The following TMTC1 variants were observed in gnomAD, a reference collection of about 807,000 sequenced individuals.
TMTC1 encodes transmembrane O-mannosyltransferase targeting cadherins 1.
TMTC1 carries 73 observed loss-of-function variants against 104.8 expected under a neutral mutation model. That is an observed-to-expected ratio of 0.70 (90% CI 0.58 to 0.85). The LOEUF (loss-of-function observed/expected upper bound fraction) is 0.85. TMTC1 is among the 40% of genes least tolerant of loss of function. The pLI is 0.00. For synonymous variants in TMTC1, 434 were observed against 428.7 expected (o/e 1.01, Z -0.15); for missense variants, 1,035 against 1,096.1 (o/e 0.94, Z 0.79).
intron 5 of TMTC1, among the ~76,000 whole-genome samples, chr12:29,696,749 T>A (rs1185240036): frequency 1.3e-5 from 2 of 152,212 alleles, no homozygotes; most frequent in Non-Finnish European, 2.9e-5. Context: ...GGGTAGGAAA[T>A]AAATAGAAGA....
chr12:29,738,668 C>T (rs1591994499), intron 5 of TMTC1, among the ~76,000 whole-genome samples: 1 of 152,158 alleles, frequency 6.6e-6, no homozygotes, highest in Non-Finnish European at 1.5e-5. Flanking sequence ...TGATTTTAGT[C>T]AGAAACCGGA....
At chr12:29,639,947 G>T (rs569586276) in intron 5 of TMTC1, among the ~76,000 whole-genome samples, 1 of 152,294 alleles carries the variant, frequency 6.6e-6, no homozygotes, top group Non-Finnish European at 1.5e-5. Context: ...AACAAGGCTG[G>T]TACTAGAAAG....
chr12:29,750,771 T>A (rs909160249), intron 5 of TMTC1, among the ~76,000 whole-genome samples: 3 of 152,224 alleles, frequency 2.0e-5, no homozygotes, highest in South Asian at 2.1e-4. Context: ...CATCCCTACA[T>A]CAGCAGAGAA....
intron 7 of TMTC1, among the ~76,000 whole-genome samples, chr12:29,600,786 A>G (rs1946543733): frequency 6.6e-6 from 1 of 152,182 alleles, no homozygotes; most frequent in South Asian, 2.1e-4. Context: ...CTGAGATGGC[A>G]TCTCCGGAGG....
rs74079166 is a variant in TMTC1 at position 29,637,559 on chromosome 12, A to C, written c.939-4223T>G. Among the ~76,000 whole-genome samples the C allele has an allele frequency of 1.9e-3, 283 of 152,312 alleles. 1 individual carries two copies. Among genetic ancestry groups the C allele is most frequent in the African/African-American group, 6.6e-3 (273 of 41,576 alleles). On this transcript the variant is annotated intron_variant, in intron 5 of 17. Transcript: ENST00000539277. Reference sequence around the variant, plus strand: ...AGTAAAGAGGTTTCATGGCCGAAAAACATGAAAGGGAAAGGCAAGCTGGAG... The same window carrying C: ...AGTAAAGAGGTTTCATGGCCGAAAACCATGAAAGGGAAAGGCAAGCTGGAG...
At chr12:29,547,856 T>C (rs1488744758) in intron 10 of TMTC1, among the ~76,000 whole-genome samples, 1 of 152,196 alleles carries the variant, frequency 6.6e-6, no homozygotes, top group Non-Finnish European at 1.5e-5. Flanking sequence ...AGATGTTGGA[T>C]TTGGAAGAGC....
intron 8 of TMTC1, among the ~76,000 whole-genome samples, chr12:29,575,850 A>G (rs1945807603): frequency 6.6e-6 from 1 of 152,194 alleles, no homozygotes; most frequent in Non-Finnish European, 1.5e-5. Flanking sequence ...GGACCAACAT[A>G]CATTCCCACC....
At chr12:29,711,275 G>C (rs1941918416) in intron 5 of TMTC1, among the ~76,000 whole-genome samples, 1 of 151,952 alleles carries the variant, frequency 6.6e-6, no homozygotes, top group East Asian at 1.9e-4. Flanking sequence ...CACTGCACAG[G>C]GCTACAGTTA....
At chr12:29,566,610 A>G (rs539674136) in intron 9 of TMTC1, among the ~76,000 whole-genome samples, 1 of 152,300 alleles carries the variant, frequency 6.6e-6, no homozygotes, top group Admixed American at 6.5e-5. Flanking sequence ...CCACAACACC[A>G]GTTAGGAGCA....
chr12:29,554,618 C>T (rs1306015025), intron 10 of TMTC1, among the ~76,000 whole-genome samples: 1 of 152,132 alleles, frequency 6.6e-6, no homozygotes, highest in Non-Finnish European at 1.5e-5. Context: ...CCTATAATCC[C>T]GGTACTTTGG....
intron 10 of TMTC1, among the ~76,000 whole-genome samples, chr12:29,550,619 C>T (rs995466544): frequency 1.3e-5 from 2 of 152,062 alleles, no homozygotes; most frequent in Non-Finnish European, 2.9e-5. Context: ...ATGACAAAGT[C>T]TGCATAATTA....
intron 11 of TMTC1, among the ~76,000 whole-genome samples, chr12:29,526,739 T>G (rs1944357413): frequency 6.6e-6 from 1 of 152,146 alleles, no homozygotes; most frequent in Non-Finnish European, 1.5e-5. Context: ...AATTAAGCAA[T>G]TAACTATGGA....
chr12:29,708,775 AC>A (rs1254210540), intron 5 of TMTC1, among the ~76,000 whole-genome samples: 3 of 152,216 alleles, frequency 2.0e-5, no homozygotes, highest in Non-Finnish European at 2.9e-5. Context: ...CCTTAGGCTA[AC>A]CTGTTTTTAT....
Position 29,726,622 on chromosome 12 carries a change from T to C in TMTC1, c.938+25044A>G, listed in dbSNP as rs1942399228. Among the ~76,000 whole-genome samples, 4 of 152,124 alleles carry C rather than the reference T, an allele frequency of 2.6e-5. 1 individual carries two copies. In the South Asian group the frequency reaches 8.3e-4, roughly 32 times the overall value. On this transcript the variant is annotated intron_variant, in intron 5 of 17. Coordinates refer to ENST00000539277, the MANE Select transcript of TMTC1 (RefSeq NM_001193451.2). Reference sequence around the variant, plus strand: ...AGTTGTTTGGGAATTAGATCTGTCTTCTCTCCAATCTCATTATACCTTTAT... The same window carrying C: ...AGTTGTTTGGGAATTAGATCTGTCTCCTCTCCAATCTCATTATACCTTTAT...
At chr12:29,686,075 T>A (rs1192133566) in intron 5 of TMTC1, among the ~76,000 whole-genome samples, 1 of 152,122 alleles carries the variant, frequency 6.6e-6, no homozygotes, top group African/African-American at 2.4e-5. Flanking sequence ...GAACTAAAAC[T>A]TTCACTAAGA....
chr12:29,719,217 G>T (rs1942167711), intron 5 of TMTC1, among the ~76,000 whole-genome samples: 1 of 152,092 alleles, frequency 6.6e-6, no homozygotes, highest in African/African-American at 2.4e-5. Flanking sequence ...AAGTCTGTGG[G>T]TCTAATTTTG....
chr12:29,695,817 ATATATATAT>A (rs1565775664), intron 5 of TMTC1, among the ~76,000 whole-genome samples: 26 of 105,744 alleles, frequency 2.5e-4, no homozygotes, highest in Non-Finnish European at 3.5e-4. Context: ...ATATATATAT[ATATATATAT>A]ATAACCTGTC....
chr12:29,778,311 A>G (rs1943758200), intron 1 of TMTC1, among the ~76,000 whole-genome samples: 2 of 152,212 alleles, frequency 1.3e-5, no homozygotes, highest in South Asian at 4.1e-4. Context: ...GCAGACTTCC[A>G]CCTGCTTACT....
intron 5 of TMTC1, among the ~76,000 whole-genome samples, chr12:29,643,262 C>G (rs1938947291): frequency 6.6e-6 from 1 of 151,428 alleles, no homozygotes. Context: ...AAAAGTAGAT[C>G]TACCATTTGA....
Sources: gnomAD v4.1 joint callset for allele counts (sites outside exome capture counted in the v4.1 genomes callset) on GRCh38, gnomAD v4.1.1 for gene constraint, MANE v1.5 for transcripts, NCBI Gene and HGNC (gene_info 2026-07-23, HGNC 2026-07-21) for gene names.